The following MACROD2 variants were observed in gnomAD, a reference collection of about 807,000 sequenced individuals.
MACROD2 encodes the protein mono-ADP ribosylhydrolase 2.
Under a neutral mutation model 70.4 loss-of-function variants are expected in MACROD2, and 36 were observed. The ratio of observed to expected loss-of-function variants is 0.51; its 90% CI spans 0.39 to 0.68. MACROD2 has a LOEUF of 0.68. Among genes scored for constraint, MACROD2 ranks in the 30% least tolerant of loss-of-function variants. The pLI is 0.00. For missense variants in MACROD2, 496 were observed against 538.4 expected, an observed-to-expected ratio of 0.92 and a Z score of 0.78; for synonymous variants, 172 against 178.8, an observed-to-expected ratio of 0.96 and a Z score of 0.30.
intron 3 of MACROD2, among the ~76,000 whole-genome samples, chr20:14,354,194 C>T (rs2122702459): frequency 6.6e-6 from 1 of 152,160 alleles, no homozygotes; most frequent in East Asian, 1.9e-4. Flanking sequence ...AGTACCTTAG[C>T]TATGTTCTTT....
At chr20:14,526,859 G>A (rs948024058) in intron 4 of MACROD2, among the ~76,000 whole-genome samples, 2 of 152,254 alleles carry the variant, frequency 1.3e-5, no homozygotes, top group Non-Finnish European at 1.5e-5. Flanking sequence ...GTTACAGGGT[G>A]CTTTTTTAGT....
Position 14,406,890 on chromosome 20 carries a change from G to A in MACROD2, c.272-86589G>A, listed in dbSNP as rs116837407. On this transcript the variant is annotated intron_variant, in intron 3 of 17. Transcript: ENST00000684519. ...TAAGTTTCATTTCTTTGTAGGAAGG[G>A]CTCAGCCTTCTTCAATTTTGTGTCC... Among the ~76,000 whole-genome samples, 366 of 152,182 alleles carry A rather than the reference G, an allele frequency of 2.4e-3. 1 individual carries two copies. The highest frequency in any genetic ancestry group is 8.4e-3 in the African/African-American group (348 of 41,518).
At chr20:15,856,204 C>T (rs1408137467) in intron 8 of MACROD2, among the ~76,000 whole-genome samples, 1 of 152,076 alleles carries the variant, frequency 6.6e-6, no homozygotes, top group Non-Finnish European at 1.5e-5. Flanking sequence ...TAAGACAATA[C>T]TTGATATTGT....
At chr20:14,762,071 G>A (rs866773946) in intron 5 of MACROD2, among the ~76,000 whole-genome samples, 11 of 152,132 alleles carry the variant, frequency 7.2e-5, no homozygotes, top group South Asian at 6.2e-4. Context: ...TCCGCTCAGG[G>A]CCTCGGCTGG....
intron 10 of MACROD2, among the ~76,000 whole-genome samples, chr20:15,896,861 T>G (rs2064980933): frequency 6.6e-6 from 1 of 152,202 alleles, no homozygotes; most frequent in African/African-American, 2.4e-5. Context: ...ATTAGTAATT[T>G]CAAGTTACTA....
At chr20:15,538,424 G>A (rs887375694) in intron 8 of MACROD2, among the ~76,000 whole-genome samples, 3 of 152,212 alleles carry the variant, frequency 2.0e-5, no homozygotes, top group Non-Finnish European at 2.9e-5. Context: ...AATAGAGGGT[G>A]ATTCTATTAA....
chr20:14,870,123 CCA>C (rs1555841591), intron 5 of MACROD2, among the ~76,000 whole-genome samples: 1 of 152,082 alleles, frequency 6.6e-6, no homozygotes, highest in Non-Finnish European at 1.5e-5. Context: ...CTCCGATATG[CCA>C]CAGTGTGTGT....
chr20:15,728,982 A>T (rs908365774), intron 8 of MACROD2, among the ~76,000 whole-genome samples: 1 of 152,044 alleles, frequency 6.6e-6, no homozygotes, highest in African/African-American at 2.4e-5. Flanking sequence ...TAAGTTGTTA[A>T]TTTGAGATCT....
At chr20:15,689,042 G>A (rs547597400) in intron 8 of MACROD2, among the ~76,000 whole-genome samples, 6 of 152,312 alleles carry the variant, frequency 3.9e-5, no homozygotes, top group East Asian at 1.9e-4. Context: ...GATGGCTCAC[G>A]CCTGTAATCC....
intron 6 of MACROD2, among the ~76,000 whole-genome samples, chr20:15,339,439 G>C (rs1246521213): frequency 2.0e-5 from 3 of 151,836 alleles, no homozygotes; most frequent in African/African-American, 7.3e-5. Context: ...CCCAGAGGCT[G>C]TTGATCATCC....
intron 12 of MACROD2, among the ~76,000 whole-genome samples, chr20:15,963,570 T>C (rs2066095526): frequency 6.6e-6 from 1 of 152,196 alleles, no homozygotes; most frequent in Admixed American, 6.6e-5. Context: ...ATTCAAGATT[T>C]GCCATCACTG....
At chr20:15,182,567 A>G (rs2076507884) in intron 5 of MACROD2, among the ~76,000 whole-genome samples, 1 of 152,112 alleles carries the variant, frequency 6.6e-6, no homozygotes. Context: ...AATAAGCCAA[A>G]AATTTATCTT....
chr20:16,040,990 A>G (rs2067300066), intron 15 of MACROD2, among the ~76,000 whole-genome samples: 1 of 152,042 alleles, frequency 6.6e-6, no homozygotes, highest in Non-Finnish European at 1.5e-5. Context: ...ATATGTGATC[A>G]TCTCACAAAT....
intron 7 of MACROD2, among the ~76,000 whole-genome samples, chr20:15,435,415 A>AGATCATATTATATGGACAT (rs1188486004): frequency 6.6e-6 from 1 of 152,160 alleles, no homozygotes. Context: ...AAGAATTGTT[A>AGATCATATTATATGGACAT]GATCATATTA....
intron 5 of MACROD2, among the ~76,000 whole-genome samples, chr20:14,939,171 T>G (rs917021457): frequency 4.0e-5 from 6 of 151,016 alleles, no homozygotes; most frequent in Non-Finnish European, 7.4e-5. Context: ...AAAAAGTCTT[T>G]GCTTTGGCCT....
intron 3 of MACROD2, among the ~76,000 whole-genome samples, chr20:14,432,767 A>G (rs2084009262): frequency 6.6e-6 from 1 of 152,058 alleles, no homozygotes; most frequent in Non-Finnish European, 1.5e-5. Context: ...TTTCTGGAAT[A>G]TTTCTGCAGT....
At chr20:14,954,543 A>T (rs1285417907) in intron 5 of MACROD2, among the ~76,000 whole-genome samples, 4 of 139,614 alleles carry the variant, frequency 2.9e-5, no homozygotes, top group East Asian at 4.1e-4. Context: ...TATATAATAT[A>T]AATTATAAAT....
chr20:15,863,059 T>C (rs560621058), intron 9 of MACROD2, among the ~76,000 whole-genome samples: 1 of 152,146 alleles, frequency 6.6e-6, no homozygotes, highest in African/African-American at 2.4e-5. Flanking sequence ...TGGTTCTCGG[T>C]GCCTCACATC....
At chr20:14,076,470 G>A (rs918966259) in intron 2 of MACROD2, among the ~76,000 whole-genome samples, 12 of 151,442 alleles carry the variant, frequency 7.9e-5, no homozygotes, top group East Asian at 1.9e-4. Flanking sequence ...GGGCAACATG[G>A]TGAAACCCAT....
Sources: gnomAD v4.1 joint callset for allele counts (sites outside exome capture counted in the v4.1 genomes callset) on GRCh38, gnomAD v4.1.1 for gene constraint, MANE v1.5 for transcripts, NCBI Gene and HGNC (gene_info 2026-07-23, HGNC 2026-07-21) for gene names.